Variants in BNC2 observed in about 807,000 individuals in gnomAD.
BNC2 encodes the protein zinc finger protein basonuclin-2.
In BNC2, 20 loss-of-function variants were observed where a neutral mutation model predicts 76.3. That is an observed-to-expected ratio of 0.26 (90% CI 0.18 to 0.38). The LOEUF (loss-of-function observed/expected upper bound fraction) is 0.38. BNC2 is among the 10% of genes least tolerant of loss of function. The pLI is 1.00. For missense variants in BNC2, 1,382 were observed against 1,399.8 expected, an observed-to-expected ratio of 0.99 and a Z score of 0.20; for synonymous variants, 582 against 514.8, an observed-to-expected ratio of 1.13 and a Z score of -1.77.
chr9:16,834,014 T>A (rs957584620), intron 1 of BNC2, among the ~76,000 whole-genome samples: 2 of 152,172 alleles, frequency 1.3e-5, no homozygotes, highest in South Asian at 4.1e-4. Context: ...TCAGACAACC[T>A]AGTTAATTTC....
At chr9:16,456,503 C>A (rs989432578) in intron 5 of BNC2, among the ~76,000 whole-genome samples, 12 of 146,962 alleles carry the variant, frequency 8.2e-5, no homozygotes, top group Non-Finnish European at 1.3e-4. Flanking sequence ...TGCATTCCAG[C>A]CTGGGAGACA....
At chr9:16,669,360 C>G (rs1822404917) in intron 3 of BNC2, among the ~76,000 whole-genome samples, 1 of 152,182 alleles carries the variant, frequency 6.6e-6, no homozygotes, top group Non-Finnish European at 1.5e-5. Context: ...CCTAAAGGTG[C>G]TAAGGTATGT....
intron 5 of BNC2, among the ~76,000 whole-genome samples, chr9:16,440,936 G>T (rs1482796710): frequency 6.6e-6 from 1 of 152,178 alleles, no homozygotes; most frequent in Non-Finnish European, 1.5e-5. Context: ...AAACAACAAA[G>T]CATATTTGCA....
At chr9:16,811,807 G>A (rs140348048) in intron 1 of BNC2, among the ~76,000 whole-genome samples, 92 of 152,268 alleles carry the variant, frequency 6.0e-4, no homozygotes, top group African/African-American at 2.2e-3. Flanking sequence ...CTTAGTGAAG[G>A]GGGCAAAGCA....
At chr9:16,606,188 G>A (rs1256580325) in intron 3 of BNC2, among the ~76,000 whole-genome samples, 2 of 152,044 alleles carry the variant, frequency 1.3e-5, no homozygotes, top group Non-Finnish European at 2.9e-5. Flanking sequence ...TGTATATTTA[G>A]AACAATGACT....
chr9:16,430,351 T>C (rs1820885213), intron 6 of BNC2, among the ~76,000 whole-genome samples: 1 of 152,186 alleles, frequency 6.6e-6, no homozygotes, highest in African/African-American at 2.4e-5. Context: ...TTGGAGGGGA[T>C]TACCACATCG....
intron 1 of BNC2, among the ~76,000 whole-genome samples, 181 bp from the exon 2 acceptor site, chr9:16,738,666 G>A (rs1273123027): frequency 1.3e-5 from 2 of 152,126 alleles, no homozygotes; most frequent in East Asian, 3.8e-4. Context: ...ACTTTGGTGA[G>A]AACTAAAGTA....
At chr9:16,536,488 G>A (rs1037737514) in intron 5 of BNC2, among the ~76,000 whole-genome samples, 2 of 152,028 alleles carry the variant, frequency 1.3e-5, no homozygotes, top group Non-Finnish European at 2.9e-5. Flanking sequence ...CACAATTTAA[G>A]ACTCACAAAA....
chr9:16,448,494 A>G (rs1821272910), intron 5 of BNC2, among the ~76,000 whole-genome samples: 1 of 152,160 alleles, frequency 6.6e-6, no homozygotes, highest in South Asian at 2.1e-4. Flanking sequence ...GCTTGAATGG[A>G]TGATTCTCCT....
intron 1 of BNC2, among the ~76,000 whole-genome samples, chr9:16,745,727 T>G (rs1369440691): frequency 6.6e-6 from 1 of 152,210 alleles, no homozygotes; most frequent in Non-Finnish European, 1.5e-5. Context: ...AACACTGAAT[T>G]GCATTCCATT....
At chr9:16,841,287 G>A (rs1818819519) in intron 1 of BNC2, among the ~76,000 whole-genome samples, 1 of 152,112 alleles carries the variant, frequency 6.6e-6, no homozygotes, top group Non-Finnish European at 1.5e-5. Flanking sequence ...TTAAAAATGA[G>A]GAAATCCAGG....
intron 4 of BNC2, among the ~76,000 whole-genome samples, chr9:16,563,817 T>C (rs1025553530): frequency 1.3e-5 from 2 of 152,250 alleles, no homozygotes; most frequent in East Asian, 3.9e-4. Context: ...AAGAAAAAAA[T>C]TTATAGTCCC....
intron 4 of BNC2, among the ~76,000 whole-genome samples, chr9:16,557,434 G>A (rs996077615): frequency 7.2e-5 from 11 of 151,962 alleles, no homozygotes; most frequent in African/African-American, 2.7e-4. Context: ...AGGAGGCGAA[G>A]GTTGCAGTGA....
chr9:16,447,926 T>TG (rs1374230075), intron 5 of BNC2, among the ~76,000 whole-genome samples: 1 of 152,126 alleles, frequency 6.6e-6, no homozygotes, highest in Non-Finnish European at 1.5e-5. Flanking sequence ...GTTCTTCATA[T>TG]GGAGATGATA....
chr9:16,786,996 G>C (rs1409147574), intron 1 of BNC2, among the ~76,000 whole-genome samples: 2 of 152,166 alleles, frequency 1.3e-5, no homozygotes, highest in Non-Finnish European at 2.9e-5. Flanking sequence ...ACGAGTAACA[G>C]TGATTCCAGG....
chr9:16,757,432 C>A (rs1825417488), intron 1 of BNC2, among the ~76,000 whole-genome samples: 1 of 152,184 alleles, frequency 6.6e-6, no homozygotes, highest in Non-Finnish European at 1.5e-5. Context: ...CTCACTCATG[C>A]CCTGGCGCTT....
chr9:16,549,219 C>G (rs1818583061), intron 5 of BNC2, among the ~76,000 whole-genome samples: 1 of 152,206 alleles, frequency 6.6e-6, no homozygotes, highest in Non-Finnish European at 1.5e-5. Flanking sequence ...ATAAAGGATG[C>G]AGGCTTTGTC....
At chr9:16,521,129 A>G (rs951535703) in intron 5 of BNC2, among the ~76,000 whole-genome samples, 37 of 152,222 alleles carry the variant, frequency 2.4e-4, no homozygotes, top group African/African-American at 8.7e-4. Flanking sequence ...CTTCTTAAAG[A>G]TAAAGAATGG....
chr9:16,430,845 T>A (rs925873182), intron 6 of BNC2, among the ~76,000 whole-genome samples: 2 of 152,248 alleles, frequency 1.3e-5, no homozygotes, highest in Non-Finnish European at 2.9e-5. Flanking sequence ...AGATGTGGAC[T>A]GATCAAACTA....
Sources: gnomAD v4.1 joint callset for allele counts (sites outside exome capture counted in the v4.1 genomes callset) on GRCh38, gnomAD v4.1.1 for gene constraint, MANE v1.5 for transcripts, NCBI Gene and HGNC (gene_info 2026-07-23, HGNC 2026-07-21) for gene names.